SCMH1: variants seen among roughly 807,000 people sequenced by gnomAD.
The protein encoded by SCMH1 is polycomb protein SCMH1.
A neutral mutation model predicts 70.8 loss-of-function variants in SCMH1; 37 were observed. That is an observed-to-expected ratio of 0.52 (90% CI 0.40 to 0.69). The LOEUF is 0.69. SCMH1 is among the 30% of genes least tolerant of loss of function. SCMH1 has a pLI of 0.00. For synonymous variants in SCMH1, 292 were observed against 307.4 expected (o/e 0.95, Z 0.52); for missense variants, 607 against 827.3 (o/e 0.73, Z 3.27).
intron 4 of SCMH1, among the ~76,000 whole-genome samples, chr1:41,158,510 A>G (rs1645748657): frequency 6.6e-6 from 1 of 152,240 alleles, no homozygotes; most frequent in Non-Finnish European, 1.5e-5. Context: ...TCAGACAGAA[A>G]GAAAGGCATT....
At chr1:41,156,546 C>T (rs1244454990) in intron 4 of SCMH1, among the ~76,000 whole-genome samples, 1 of 152,086 alleles carries the variant, frequency 6.6e-6, no homozygotes, top group African/African-American at 2.4e-5. Context: ...TCAAGCGATC[C>T]TCTCATCTCA....
intron 7 of SCMH1, 56 bp downstream of exon 7, chr1:41,116,866 T>A: frequency 7.2e-7 from 1 of 1,383,106 alleles, no homozygotes; most frequent in Non-Finnish European, 9.9e-7. Flanking sequence ...GACATCAAAG[T>A]CTCAATATTT....
intron 4 of SCMH1, among the ~76,000 whole-genome samples, chr1:41,155,491 T>C (rs189652668): frequency 1.3e-3 from 194 of 151,478 alleles, no homozygotes; most frequent in African/African-American, 4.2e-3. Context: ...AACAATATTT[T>C]GCTCCACATG....
At chr1:41,191,680 T>C (rs1467959119) in intron 1 of SCMH1, among the ~76,000 whole-genome samples, 2 of 152,224 alleles carry the variant, frequency 1.3e-5, no homozygotes, top group East Asian at 1.9e-4. Flanking sequence ...GCATTTGGTA[T>C]ACTTCTATTG....
intron 8 of SCMH1, among the ~76,000 whole-genome samples, chr1:41,096,964 A>C (rs1269297009): frequency 1.3e-5 from 2 of 152,196 alleles, no homozygotes; most frequent in Admixed American, 6.5e-5. Flanking sequence ...CTAGTTTTTA[A>C]TCACTCTGGG....
intron 8 of SCMH1, among the ~76,000 whole-genome samples, chr1:41,106,382 C>T (rs1322520723): frequency 6.6e-6 from 1 of 151,704 alleles, no homozygotes; most frequent in African/African-American, 2.4e-5. Flanking sequence ...CATCTGCCTG[C>T]TCCAGCTTTG....
intron 2 of SCMH1, among the ~76,000 whole-genome samples, chr1:41,183,543 T>C (rs763887663): frequency 2.6e-5 from 4 of 151,924 alleles, no homozygotes; most frequent in Non-Finnish European, 5.9e-5. Context: ...GTGACAGCCC[T>C]AAGCAAAGTA....
chr1:41,049,871 C>T (rs1386218009), intron 10 of SCMH1, among the ~76,000 whole-genome samples: 1 of 151,686 alleles, frequency 6.6e-6, no homozygotes, highest in Non-Finnish European at 1.5e-5. Context: ...TGAGACCAGC[C>T]TGGGCAATAC....
intron 1 of SCMH1, among the ~76,000 whole-genome samples, chr1:41,208,192 C>T (rs1403343883): frequency 5.6e-5 from 6 of 108,008 alleles, no homozygotes; most frequent in African/African-American, 1.1e-4. Flanking sequence ...AACCAAACAC[C>T]GCATATTCTC....
At chr1:41,213,044 G>T (rs1657372098) in intron 1 of SCMH1, among the ~76,000 whole-genome samples, 1 of 152,002 alleles carries the variant, frequency 6.6e-6, no homozygotes, top group Non-Finnish European at 1.5e-5. Flanking sequence ...TAAGAGTGTA[G>T]GAACACGAAT....
chr1:41,176,103 T>C (rs72947915), intron 2 of SCMH1, among the ~76,000 whole-genome samples: 1 of 147,706 alleles, frequency 6.8e-6, no homozygotes, highest in African/African-American at 2.5e-5. Context: ...TAAAACAATA[T>C]TCAAAAGCAA....
chr1:41,231,623 T>C (rs1661312409), intron 1 of SCMH1, among the ~76,000 whole-genome samples: 1 of 152,216 alleles, frequency 6.6e-6, no homozygotes, highest in South Asian at 2.1e-4. Flanking sequence ...CCATCCAGTA[T>C]ACCATGCTAC....
intron 12 of SCMH1, among the ~76,000 whole-genome samples, chr1:41,038,296 G>A (rs748587943): frequency 1.1e-4 from 17 of 152,132 alleles, no homozygotes; most frequent in Admixed American, 2.0e-4. Context: ...AACACCAGGC[G>A]GCAGCACCCA....
intron 6 of SCMH1, among the ~76,000 whole-genome samples, chr1:41,122,535 A>G (rs1009077538): frequency 8.5e-5 from 13 of 152,160 alleles, no homozygotes; most frequent in Non-Finnish European, 1.3e-4. Context: ...TGAATTAAGG[A>G]AAAAACCCTC....
Position 41,037,557 on chromosome 1 carries a change from A to G in SCMH1, c.1499-16T>C, listed in dbSNP as rs1369625077. 6.2e-7 allele frequency: 1 copy of G among 1,611,894 alleles called. No homozygotes were observed. The highest frequency in any genetic ancestry group is 8.5e-7 in the Non-Finnish European group (1 of 1,178,536). On this transcript the variant is annotated splice_polypyrimidine_tract_variant and intron_variant, in intron 12 of 14. Transcript: ENST00000337495. ...AAGGTTTCACCTGAAAAACAGTAAA[A>G]CCAGAGTTAGAGCTTAGAAGGACTG... is the stretch of plus-strand genomic sequence containing the variant.
intron 1 of SCMH1, among the ~76,000 whole-genome samples, chr1:41,212,407 GAC>G (rs1657223525): frequency 6.6e-6 from 1 of 152,126 alleles, no homozygotes. Flanking sequence ...GTAATAAAAA[GAC>G]ATGTTCTATC....
At chr1:41,172,948 C>G (rs182871856) in intron 2 of SCMH1, among the ~76,000 whole-genome samples, 1 of 152,048 alleles carries the variant, frequency 6.6e-6, no homozygotes, top group African/African-American at 2.4e-5. Flanking sequence ...AAAAACAGAT[C>G]AAGACTTAAA....
Position 41,073,429 on chromosome 1 carries a change from G to A in SCMH1, c.978+1790C>T, listed in dbSNP as rs183865337. Among the ~76,000 whole-genome samples, 124 of 152,232 alleles carry A rather than the reference G, an allele frequency of 8.1e-4. 1 individual carries two copies. Among genetic ancestry groups the A allele is most frequent in the African/African-American group, 2.6e-3 (107 of 41,530 alleles). On this transcript the variant is annotated intron_variant, in intron 9 of 14. Transcript: ENST00000337495. ...CTTCTCTGGCCTTGGCATCCTTAGG[G>A]CCTTCAGCCTCTCCTCTACAACATG...
At chr1:41,186,390 T>C (rs1222476959) in intron 1 of SCMH1, 140 bp from the exon 2 acceptor site, 3 of 338,614 alleles carry the variant, frequency 8.9e-6, no homozygotes, top group Non-Finnish European at 1.7e-5. Context: ...TTAGAATATC[T>C]TGGAGTTGCA....
Sources: allele counts gnomAD v4.1 joint callset (sites outside exome capture counted in the v4.1 genomes callset), GRCh38; gene constraint gnomAD v4.1.1; transcripts MANE v1.5; gene names NCBI Gene and HGNC (gene_info 2026-07-23, HGNC 2026-07-21).